Variants in RIF1 observed in about 807,000 individuals in gnomAD.
The protein encoded by RIF1 is telomere-associated protein RIF1.
RIF1 carries 45 observed loss-of-function variants against 247.1 expected under a neutral mutation model. That is an observed-to-expected ratio of 0.18 (90% CI 0.14 to 0.23). The LOEUF is 0.23. Ranked by LOEUF, RIF1 falls within the 10% of genes least tolerant of loss-of-function variation. The pLI, the probability that RIF1 is intolerant of heterozygous loss-of-function variation, is 1.00. For missense variants in RIF1, 2,967 were observed against 2,862.5 expected, an observed-to-expected ratio of 1.04 and a Z score of -0.83; for synonymous variants, 1,087 against 978.8, an observed-to-expected ratio of 1.11 and a Z score of -2.06.
At chr2:151,506,297 AAAG>A (rs1476546717) in exon 13 of RIF1, 1 of 1,473,256 alleles carries the variant, frequency 6.8e-7, no homozygotes, top group Admixed American at 1.8e-5. Context: ...ACACAGAAGA[AAAG>A]AAAACCCAGC....
chr2:151,485,795 C>T (rs776932788), downstream of RIF1: 11 of 1,612,674 alleles, frequency 6.8e-6, no homozygotes, highest in East Asian at 6.7e-5. Flanking sequence ...GGGAGCATTC[C>T]GGTCCTGCCA....
Position 151,464,342 on chromosome 2 carries a change from T to G in RIF1, c.4822T>G (p.Ser1608Ala), listed in dbSNP as rs1340606754. The G allele has an allele frequency of 1.2e-6, 2 of 1,610,646 alleles. No individual in the cohort carries two copies. Among genetic ancestry groups the G allele is most frequent in the South Asian group, 2.2e-5 (2 of 90,140 alleles). Residue 1608 changes from serine (S) to alanine (A), a missense_variant, in exon 30 of 36, where the codon TCT (serine) becomes GCT (alanine). Physicochemically the swap from Ser to Ala is moderately conservative, Grantham distance 99. Transcript: ENST00000444746. ...TCAGTCACATGATTATAAAGCAACT[T>G]CTGAAGAAGATGTAAGCATAAAATC... ...ENQSHDYKAT[S>A]EEDVSIKSPI...
chr2:151,521,118 C>T, the RIF1 span, among the ~76,000 whole-genome samples: 1 of 152,090 alleles, frequency 6.6e-6, no homozygotes, highest in Non-Finnish European at 1.5e-5. Context: ...ATGAAAGACT[C>T]ACTAACACCA....
chr2:151,433,241 G>T lies in RIF1; in HGVS notation c.1077+13G>T, dbSNP rs1334685265. ...TAATTTTGAACAGGTAACATTACAA[G>T]TGTTGACTATAGCACTTTATGTTTT... is the stretch of plus-strand genomic sequence containing the variant. On this transcript the variant is annotated intron_variant, in intron 10 of 35. Transcript: ENST00000444746. 9 of 1,601,306 alleles carry T rather than the reference G, an allele frequency of 5.6e-6. No individual in the cohort carries two copies. The highest frequency in any genetic ancestry group is 1.3e-5 in the African/African-American group (1 of 74,610).
chr2:151,410,373 A>G (rs768413872), intron 1 of RIF1, 41 bp from the exon 2 acceptor site: 17 of 1,539,230 alleles, frequency 1.1e-5, no homozygotes, highest in African/African-American at 5.4e-5. Context: ...GGCTGTTTCC[A>G]TCGGTCACTG....
At chr2:151,456,663 GA>G in intron 23 of RIF1, 43 bp downstream of exon 23, 1 of 1,095,924 alleles carries the variant, frequency 9.1e-7, no homozygotes, top group East Asian at 2.5e-5. Context: ...TTCATGATGA[GA>G]AAATGATAGA....
Position 151,478,397 on chromosome 2 carries a change from A to G in RIF1, c.*3326A>G, listed in dbSNP as rs2049032533. 6.6e-6 allele frequency: 1 copy of G among 152,058 alleles called. No individual in the cohort carries two copies. The highest frequency in any genetic ancestry group is 1.5e-5 in the Non-Finnish European group (1 of 68,038). 9.4% of individuals were successfully genotyped at this position (152,058 alleles called of 1,614,324 possible). ...GCTACTCAGGAGGCTGAGACATGAG[A>G]ATTGCTTGAACCTTTTAGGCGGAGG... is the stretch of plus-strand genomic sequence containing the variant. On this transcript the variant is annotated 3_prime_UTR_variant, in exon 36 of 36. Transcript: ENST00000444746.
At chr2:151,470,638 T>C (rs531483464) in intron 34 of RIF1, among the ~76,000 whole-genome samples, 1 of 152,274 alleles carries the variant, frequency 6.6e-6, no homozygotes, top group Admixed American at 6.5e-5. Flanking sequence ...TCAGAAGTTT[T>C]GAATAAATGA....
At chr2:151,436,572 A>G (rs1338409536) in intron 11 of RIF1, among the ~76,000 whole-genome samples, 5 of 151,620 alleles carry the variant, frequency 3.3e-5, no homozygotes, top group African/African-American at 4.8e-5. Context: ...CTCAGCAGTT[A>G]TAAAGTGTCT....
At chr2:151,428,083 G>A (rs1322496396) in intron 8 of RIF1, among the ~76,000 whole-genome samples, 1 of 151,856 alleles carries the variant, frequency 6.6e-6, no homozygotes, top group African/African-American at 2.4e-5. Context: ...ACAAAAATTA[G>A]CTGGGCGTGG....
At chr2:151,527,198 C>A in the RIF1 span, among the ~76,000 whole-genome samples, 1 of 152,132 alleles carries the variant, frequency 6.6e-6, no homozygotes, top group South Asian at 2.1e-4. Context: ...TTCAGCCTAG[C>A]TGCCAGGACC....
exon 13 of RIF1, chr2:151,506,338 G>T: frequency 9.4e-7 from 1 of 1,062,984 alleles, no homozygotes; most frequent in Non-Finnish European, 1.4e-6. Flanking sequence ...TAGGACACAT[G>T]GCTTTTGTGA....
At position 151,468,126 on chromosome 2, in the gene RIF1, TCTCCTA is replaced by T; in HGVS notation, c.6730_6735del (p.Pro2244_Thr2245del). On this transcript the variant is annotated inframe_deletion, in exon 31 of 36. Coordinates refer to ENST00000444746, the MANE Select transcript of RIF1 (RefSeq NM_018151.5). The stretch of plus-strand genomic sequence containing the variant: ...TCCCATAGGAAAAAGTGTTAAAACT[TCTCCTA>T]CTACACAATCTAAGGTAAGCTATAG... The T allele has an allele frequency of 6.2e-7, 1 of 1,612,858 alleles. No individual in the cohort carries two copies. The highest frequency in any genetic ancestry group is 1.3e-5 in the African/African-American group (1 of 74,974).
intron 3 of RIF1, among the ~76,000 whole-genome samples, chr2:151,412,792 TAAA>T (rs1175263486): frequency 1.3e-5 from 2 of 152,044 alleles, no homozygotes; most frequent in Non-Finnish European, 2.9e-5. Flanking sequence ...CGTGTGCCTT[TAAA>T]CAAGTGTTTC....
At chr2:151,492,974 A>G (rs1471099302) in intron 9 of RIF1, 4 of 196,672 alleles carry the variant, frequency 2.0e-5, no homozygotes, top group African/African-American at 9.4e-5. Flanking sequence ...CATCCATTTC[A>G]GAGTATTACC....
rs764470198 is a variant in RIF1, at chr2:151,468,468, A to G, written c.6748-6A>G. On this transcript the variant is annotated splice_region_variant and splice_polypyrimidine_tract_variant and intron_variant, in intron 31 of 35. Transcript: ENST00000444746. Reference sequence around the variant, plus strand: ...AGTGTTTTTTTCTCTCCTTTCTTCTATCTAGCATAATACCACTTCAGCCAA... The same window carrying G: ...AGTGTTTTTTTCTCTCCTTTCTTCTGTCTAGCATAATACCACTTCAGCCAA... 12 of 1,607,616 alleles carry G rather than the reference A, an allele frequency of 7.5e-6. No individual in the cohort carries two copies. The East Asian group carries it at 1.8e-4, about 24-fold the overall frequency.
At chr2:151,452,851 C>G (rs925757675) in intron 21 of RIF1, among the ~76,000 whole-genome samples, 5 of 152,204 alleles carry the variant, frequency 3.3e-5, no homozygotes, top group African/African-American at 1.2e-4. Flanking sequence ...TTAGATTTAA[C>G]CGAATATCCA....
intron 9 of RIF1, 57 bp from the exon 10 acceptor site, chr2:151,433,020 T>C: frequency 7.4e-7 from 1 of 1,356,068 alleles, no homozygotes; most frequent in Non-Finnish European, 1.0e-6. Context: ...ATAGCTAGTG[T>C]TAGAGTTAAT....
Position 151,458,814 on chromosome 2 carries a change from A to G in RIF1, c.2859A>G (p.Pro953=). ...MMLVYPEELK[P]VLTQAKQKFL... is the part of the protein sequence containing the mutation. ...TATTTTATGTACTTTTTTAAAGACC[A>G]GTACTAACACAAGCCAAACAAAAAT... Residue 953 remains proline, a synonymous_variant, in exon 25 of 36, where the codon CCA becomes CCG. Transcript: ENST00000444746. The G allele has an allele frequency of 6.3e-7, 1 of 1,594,728 alleles. No individual in the cohort carries two copies. The highest frequency in any genetic ancestry group is 1.7e-4 in the Middle Eastern group (1 of 6,004).
Sources: allele counts gnomAD v4.1 joint callset (sites outside exome capture counted in the v4.1 genomes callset), GRCh38; gene constraint gnomAD v4.1.1; transcripts MANE v1.5; gene names NCBI Gene and HGNC (gene_info 2026-07-23, HGNC 2026-07-21).